The following ADCY5 variants were observed in gnomAD, a reference collection of about 807,000 sequenced individuals.
ADCY5 encodes the protein adenylate cyclase type 5.
In ADCY5, 30 loss-of-function variants were observed where a neutral mutation model predicts 119.7. The ratio of observed to expected loss-of-function variants is 0.25; its 90% CI spans 0.19 to 0.34. The LOEUF (loss-of-function observed/expected upper bound fraction) is 0.34. ADCY5 is among the 10% of genes least tolerant of loss of function. The probability of loss-of-function intolerance (pLI) is 1.00; values close to 1 mark genes in which losing one functional copy is unlikely to be tolerated. For synonymous variants in ADCY5, 753 were observed against 762.2 expected (o/e 0.99, Z 0.20); for missense variants, 1,324 against 1,775.2 (o/e 0.75, Z 4.57).
In ADCY5 at chr3:123,448,007, C is replaced by T; in HGVS notation, c.539G>A (p.Gly180Asp). 7.7e-7 allele frequency: 1 copy of T among 1,292,318 alleles called. No individual in the cohort carries two copies. The allele number at this position is 1,292,318 out of a possible 1,614,324, so 80.1% of individuals were successfully genotyped here. A position where few individuals can be genotyped will look rare whatever the true frequency, so the allele number is the denominator to read the frequency against. The change falls in exon 1 of 21, where the codon GGC (glycine) becomes GAC (aspartate). Residue 180 changes from glycine (G) to aspartate (D), a missense_variant. By Grantham distance (94) the Gly-to-Asp change is moderately conservative. Transcript: ENST00000462833. ...GCCGCCATCCCCGGACCCCTCGCCG[C>T]CCTCGACGGCGCCGGCCTCCAGCTC... ...ADELEAGAVE[G>D]GEGSGDGGSS... is the part of the protein sequence containing the mutation.
intron 1 of ADCY5, among the ~76,000 whole-genome samples, chr3:123,384,691 A>G (rs6766089): frequency 0.48 from 72,415 of 151,868 alleles, 18,072 homozygotes; most frequent in East Asian, 0.68. Flanking sequence ...CAAGGGAACT[A>G]GCCTCAAGCT....
At chr3:123,326,637 C>T (rs1266201642) in intron 7 of ADCY5, among the ~76,000 whole-genome samples, 4 of 152,110 alleles carry the variant, frequency 2.6e-5, no homozygotes, top group Non-Finnish European at 5.9e-5. Context: ...CGCTTACAAA[C>T]GTGTCAAGGA....
chr3:123,390,324 G>A (rs1944367821), intron 1 of ADCY5, among the ~76,000 whole-genome samples: 1 of 152,164 alleles, frequency 6.6e-6, no homozygotes, highest in African/African-American at 2.4e-5. Flanking sequence ...CCAGTTTGGT[G>A]TCCATCTTTT....
chr3:123,367,582 C>A (rs1346270019), intron 1 of ADCY5, among the ~76,000 whole-genome samples: 3 of 152,172 alleles, frequency 2.0e-5, no homozygotes, highest in Admixed American at 2.0e-4. Flanking sequence ...GGCAAACCTT[C>A]ATTGTTTCCT....
At chr3:123,416,332 G>A (rs900344549) in intron 1 of ADCY5, 10 of 1,534,066 alleles carry the variant, frequency 6.5e-6, no homozygotes, top group Non-Finnish European at 8.7e-6. Flanking sequence ...TCCTTCCCTA[G>A]GACATTTATA....
intron 1 of ADCY5, among the ~76,000 whole-genome samples, chr3:123,443,888 C>T (rs1178514938): frequency 6.6e-6 from 1 of 152,210 alleles, no homozygotes; most frequent in South Asian, 2.1e-4. Context: ...AAGAGCTCTT[C>T]CATCCATCAT....
chr3:123,336,042 C>T (rs4467387), intron 3 of ADCY5, among the ~76,000 whole-genome samples: 66,400 of 152,172 alleles, frequency 0.44, 16,601 homozygotes, highest in East Asian at 0.73. Flanking sequence ...GCTGCTCCAG[C>T]GTGTGCAGCT....
chr3:123,380,678 G>A (rs1288755390), intron 1 of ADCY5, among the ~76,000 whole-genome samples: 2 of 152,218 alleles, frequency 1.3e-5, no homozygotes, highest in African/African-American at 4.8e-5. Context: ...GCTAGTACCT[G>A]TCTGTGCCTC....
chr3:123,378,970 C>T lies in ADCY5; in HGVS notation c.1135-26389G>A, dbSNP rs150503493. Among the ~76,000 whole-genome samples, 1,421 of 152,260 alleles carry T rather than the reference C, an allele frequency of 9.3e-3. 10 individuals are homozygous for T. Among genetic ancestry groups the T allele is most frequent in the Middle Eastern group, 0.017 (5 of 294 alleles). Reference sequence around the variant, plus strand: ...ACCTAGAGCCCCAGGGAAGATTCTTCCCTTCAGCGGTGCCTGGCCCTGTGG... The same window carrying T: ...ACCTAGAGCCCCAGGGAAGATTCTTTCCTTCAGCGGTGCCTGGCCCTGTGG... On this transcript the variant is annotated intron_variant, in intron 1 of 20. Transcript: ENST00000462833.
At chr3:123,407,752 T>C (rs1488773299) in intron 1 of ADCY5, among the ~76,000 whole-genome samples, 17 of 91,226 alleles carry the variant, frequency 1.9e-4, no homozygotes, top group Non-Finnish European at 2.7e-4. Flanking sequence ...GGCAACAGAG[T>C]GAGACCCTGT....
chr3:123,401,872 G>A (rs1437049176), intron 1 of ADCY5, among the ~76,000 whole-genome samples: 1 of 152,162 alleles, frequency 6.6e-6, no homozygotes, highest in Non-Finnish European at 1.5e-5. Context: ...AGACTCAGAT[G>A]TCCCCCTAGA....
At chr3:123,402,439 A>G (rs12496583) in intron 1 of ADCY5, among the ~76,000 whole-genome samples, 36,206 of 152,174 alleles carry the variant, frequency 0.24, 4,707 homozygotes, top group Middle Eastern at 0.35. Context: ...CCATGTGTTG[A>G]CAATGCCGGC....
At chr3:123,400,869 G>A (rs1393376695) in intron 1 of ADCY5, among the ~76,000 whole-genome samples, 1 of 151,978 alleles carries the variant, frequency 6.6e-6, no homozygotes, top group Non-Finnish European at 1.5e-5. Context: ...GCTTGAACCT[G>A]GGAGGTGGAG....
intron 3 of ADCY5, 81 bp from the exon 4 acceptor site, chr3:123,332,756 T>C: frequency 1.0e-6 from 1 of 978,594 alleles, no homozygotes; most frequent in Non-Finnish European, 1.6e-6. Flanking sequence ...CATCTTTTTT[T>C]TCTTTTCTTT....
At chr3:123,348,032 TAAC>T in intron 2 of ADCY5, 129 bp from the exon 3 acceptor site, 1 of 1,002,640 alleles carries the variant, frequency 1.0e-6, no homozygotes, top group South Asian at 1.4e-5. Flanking sequence ...ACTCCTGGGT[TAAC>T]AGTGTGTGTG....
At chr3:123,326,045 G>A (rs1941468899) in intron 7 of ADCY5, among the ~76,000 whole-genome samples, 1 of 152,240 alleles carries the variant, frequency 6.6e-6, no homozygotes, top group Admixed American at 6.5e-5. Flanking sequence ...CCTCAAGGGT[G>A]GGTGGGGCCT....
chr3:123,335,755 A>T (rs985547315), intron 3 of ADCY5, among the ~76,000 whole-genome samples: 1 of 152,122 alleles, frequency 6.6e-6, no homozygotes, highest in Non-Finnish European at 1.5e-5. Flanking sequence ...AGGTTGGGCC[A>T]CCAGGGAGTG....
chr3:123,318,206 C>T, intron 10 of ADCY5, 89 bp from the exon 11 acceptor site: 1 of 975,018 alleles, frequency 1.0e-6, no homozygotes, highest in Non-Finnish European at 1.6e-6. Context: ...AGGGAAGCCA[C>T]TCATGGCTGG....
chr3:123,310,103 TACACAC>T (rs60966110), intron 12 of ADCY5, among the ~76,000 whole-genome samples: 5,860 of 121,186 alleles, frequency 0.048, 400 homozygotes, highest in African/African-American at 0.16. Context: ...GAGAGAGATT[TACACAC>T]ACACACACAC....
Sources: gnomAD v4.1 joint callset for allele counts (sites outside exome capture counted in the v4.1 genomes callset) on GRCh38, gnomAD v4.1.1 for gene constraint, MANE v1.5 for transcripts, NCBI Gene and HGNC (gene_info 2026-07-23, HGNC 2026-07-21) for gene names.